DPYS: variants seen among roughly 807,000 people sequenced by gnomAD.
DPYS encodes dihydropyrimidine amidohydrolase.
DPYS carries 39 observed loss-of-function variants against 50.3 expected under a neutral mutation model. The ratio of observed to expected loss-of-function variants is 0.78; its 90% CI spans 0.60 to 1.01. The LOEUF is 1.01. DPYS is among the 50% of genes least tolerant of loss of function. The pLI, the probability that DPYS is intolerant of heterozygous loss-of-function variation, is 0.00. For missense variants in DPYS, 659 were observed against 680.9 expected (o/e 0.97, Z 0.36); for synonymous variants, 245 against 250.7 (o/e 0.98, Z 0.22).
At chr8:104,413,653 T>A (rs893384195) in intron 7 of DPYS, among the ~76,000 whole-genome samples, 1 of 152,226 alleles carries the variant, frequency 6.6e-6, no homozygotes, top group South Asian at 2.1e-4. Flanking sequence ...ATAAGTTTTT[T>A]AATTACTCAC....
chr8:104,449,313 A>G (rs898433322), intron 2 of DPYS, among the ~76,000 whole-genome samples: 1 of 152,228 alleles, frequency 6.6e-6, no homozygotes, highest in Non-Finnish European at 1.5e-5. Context: ...TACATGAAAT[A>G]TCTTTTGCTC....
intron 7 of DPYS, among the ~76,000 whole-genome samples, chr8:104,418,358 T>G (rs1812434609): frequency 6.6e-6 from 1 of 152,156 alleles, no homozygotes; most frequent in Admixed American, 6.5e-5. Context: ...ACAAAAATCC[T>G]GCACATTACC....
intron 4 of DPYS, among the ~76,000 whole-genome samples, chr8:104,439,188 T>C (rs928085781): frequency 7.2e-5 from 11 of 152,210 alleles, no homozygotes; most frequent in Admixed American, 3.3e-4. Context: ...AACTAAGTCA[T>C]TCATTTTTCA....
intron 7 of DPYS, among the ~76,000 whole-genome samples, chr8:104,402,150 T>C (rs1231528021): frequency 6.6e-6 from 1 of 152,224 alleles, no homozygotes; most frequent in Non-Finnish European, 1.5e-5. Flanking sequence ...GATTTAGACA[T>C]GAGCAAGCTG....
chr8:104,425,895 T>C (rs1812705350), intron 6 of DPYS, among the ~76,000 whole-genome samples: 1 of 152,166 alleles, frequency 6.6e-6, no homozygotes, highest in Admixed American at 6.5e-5. Flanking sequence ...AATATTCCCA[T>C]AAGTAAACCA....
rs571483015 is a variant in DPYS at position 104,455,574 on chromosome 8, T to C, written c.265-4170A>G. On this transcript the variant is annotated intron_variant, in intron 1 of 9. Transcript: ENST00000351513. ...TGGGCACGTGTCCACCTGGTGGCAT[T>C]TGCAGACAGGAAGACATACAGACCT... Among the ~76,000 whole-genome samples, 11 of 152,288 alleles carry C rather than the reference T, an allele frequency of 7.2e-5. No individual in the cohort carries two copies. The South Asian group carries it at 2.3e-3, about 32-fold the overall frequency.
At chr8:104,381,944 T>A (rs749630481) in intron 8 of DPYS, among the ~76,000 whole-genome samples, 1 of 151,798 alleles carries the variant, frequency 6.6e-6, no homozygotes, top group African/African-American at 2.4e-5. Flanking sequence ...AACTAATACA[T>A]TGTAGTGATC....
At chr8:104,402,371 T>C (rs1811848983) in intron 7 of DPYS, among the ~76,000 whole-genome samples, 2 of 152,234 alleles carry the variant, frequency 1.3e-5, no homozygotes, top group Admixed American at 1.3e-4. Flanking sequence ...GAACAGGAAC[T>C]GAATGTGAAT....
chr8:104,426,226 A>T (rs2140630076), intron 6 of DPYS, among the ~76,000 whole-genome samples: 1 of 152,320 alleles, frequency 6.6e-6, no homozygotes, highest in East Asian at 1.9e-4. Flanking sequence ...TAAGTAATGG[A>T]GGCAAGTAAA....
intron 8 of DPYS, among the ~76,000 whole-genome samples, chr8:104,384,044 CCT>C (rs1811137384): frequency 6.6e-6 from 1 of 151,518 alleles, no homozygotes; most frequent in Non-Finnish European, 1.5e-5. Flanking sequence ...TAACCTGCAC[CCT>C]CTCTCTCTCT....
In DPYS at chr8:104,449,403, T is replaced by C. The variant is rs559781556; in HGVS notation, c.423+1843A>G. Among the ~76,000 whole-genome samples, 14 of 152,316 alleles carry C rather than the reference T, an allele frequency of 9.2e-5. No individual in the cohort carries two copies. The South Asian group carries it at 2.5e-3, about 27-fold the overall frequency. ...TCTCATTATACAACTTGCAAGCATA[T>C]TAGCTTCAGCCTTCCTCCTCCAAAA... On this transcript the variant is annotated intron_variant, in intron 2 of 9. Transcript: ENST00000351513.
chr8:104,425,842 C>A (rs1271539318), intron 6 of DPYS, among the ~76,000 whole-genome samples: 2 of 152,088 alleles, frequency 1.3e-5, no homozygotes, highest in Non-Finnish European at 2.9e-5. Flanking sequence ...AATTATCAAA[C>A]AATGCTTGCC....
intron 8 of DPYS, among the ~76,000 whole-genome samples, chr8:104,389,309 A>G (rs1007238568): frequency 2.0e-5 from 3 of 152,192 alleles, no homozygotes; most frequent in African/African-American, 7.2e-5. Context: ...GACTTTGATA[A>G]CCTCATGTGA....
At chr8:104,423,339 C>T (rs146091998) in intron 7 of DPYS, among the ~76,000 whole-genome samples, 1 of 152,254 alleles carries the variant, frequency 6.6e-6, no homozygotes, top group East Asian at 1.9e-4. Context: ...ATAGGAATAT[C>T]TGGGGCTTGT....
chr8:104,389,275 A>G (rs1236643965), intron 8 of DPYS, among the ~76,000 whole-genome samples: 1 of 152,338 alleles, frequency 6.6e-6, no homozygotes, highest in Admixed American at 6.5e-5. Flanking sequence ...AAATCTGAAT[A>G]TTTGAAATGA....
intron 1 of DPYS, among the ~76,000 whole-genome samples, chr8:104,453,134 A>G (rs1388248734): frequency 1.3e-5 from 2 of 152,072 alleles, no homozygotes; most frequent in African/African-American, 4.8e-5. Context: ...GCTTACTTCA[A>G]TAGATTTTTA....
chr8:104,427,995 T>C lies in DPYS; in HGVS notation c.1077A>G (p.Ile359Met), dbSNP rs1221647712. Reference protein sequence around the residue: ...VNGVEDRMSVIWEKGVHSGKM... With the variant: ...VNGVEDRMSVMWEKGVHSGKM... ...TGAAACCCACCACGCCTTTTTCCCA[T>C]ATTACGGACATCCGATCTTCAACAC... The change falls in exon 6 of 10, where the codon ATA becomes ATG. Residue 359 changes from isoleucine (I) to methionine (M), a missense_variant. Coordinates refer to ENST00000351513, the MANE Select transcript of DPYS (RefSeq NM_001385.3). 6.2e-7 allele frequency: 1 copy of C among 1,614,040 alleles called. No homozygotes were observed. Among genetic ancestry groups the C allele is most frequent in the Admixed American group, 1.7e-5 (1 of 59,996 alleles).
chr8:104,418,907 G>C, intron 7 of DPYS: 1 of 569,448 alleles, frequency 1.8e-6, no homozygotes, highest in Non-Finnish European at 2.2e-6. Context: ...GGGTGTGGCT[G>C]TTGTATAAGC....
At chr8:104,449,182 T>TAACA (rs916077534) in intron 2 of DPYS, among the ~76,000 whole-genome samples, 4 of 152,172 alleles carry the variant, frequency 2.6e-5, no homozygotes, top group Non-Finnish European at 4.4e-5. Flanking sequence ...TTGTTCCCCC[T>TAACA]AACAGTTTCT....
Sources: gnomAD v4.1 joint callset for allele counts (sites outside exome capture counted in the v4.1 genomes callset) on GRCh38, gnomAD v4.1.1 for gene constraint, MANE v1.5 for transcripts, NCBI Gene and HGNC (gene_info 2026-07-23, HGNC 2026-07-21) for gene names.